CTNNA3: variants seen among roughly 807,000 people sequenced by gnomAD.
CTNNA3 encodes the protein catenin alpha-3.
In CTNNA3, 76 loss-of-function variants were observed where a neutral mutation model predicts 95.7. The ratio of observed to expected loss-of-function variants is 0.79; its 90% CI spans 0.66 to 0.96. The LOEUF is 0.96. Ranked by LOEUF, CTNNA3 falls within the 40% of genes least tolerant of loss-of-function variation. The pLI is 0.00. For synonymous variants in CTNNA3, 431 were observed against 374.4 expected (o/e 1.15, Z -1.74); for missense variants, 1,191 against 1,089.8 (o/e 1.09, Z -1.31).
At chr10:66,914,399 GT>G in intron 7 of CTNNA3, among the ~76,000 whole-genome samples, 1 of 152,024 alleles carries the variant, frequency 6.6e-6, no homozygotes, top group South Asian at 2.1e-4. Context: ...CTTTCTATCA[GT>G]TTTTAGTGAT....
At chr10:67,614,053 C>T (rs1038480751) in intron 2 of CTNNA3, among the ~76,000 whole-genome samples, 3 of 152,164 alleles carry the variant, frequency 2.0e-5, no homozygotes, top group East Asian at 1.9e-4. Context: ...AGCAAGGAAG[C>T]GGACCCTACC....
chr10:66,534,601 T>C (rs1728095645), intron 10 of CTNNA3, among the ~76,000 whole-genome samples: 2 of 149,992 alleles, frequency 1.3e-5, no homozygotes, highest in Admixed American at 6.7e-5. Context: ...ATAATGTCTT[T>C]CTTAAATTAG....
chr10:67,483,776 T>TAAAAA (rs71468814), intron 5 of CTNNA3, among the ~76,000 whole-genome samples: 2 of 110,912 alleles, frequency 1.8e-5, no homozygotes, highest in Non-Finnish European at 3.9e-5. Context: ...AAATAAAAAT[T>TAAAAA]AAAAAAAAAA....
In CTNNA3 at chr10:66,109,575, T is replaced by C. The variant is rs564537893; in HGVS notation, c.1885-6326A>G. Among the ~76,000 whole-genome samples, 16 of 152,286 alleles carry C rather than the reference T, an allele frequency of 1.1e-4. No homozygotes were observed. In the East Asian group the frequency reaches 3.1e-3, roughly 29 times the overall value. On this transcript the variant is annotated intron_variant, in intron 13 of 17. Transcript: ENST00000433211. ...TTTGGCTCACTTGGCCCAACATAGG[T>C]AGCAGGAGTAAGGGAAGGCCCAAGA...
intron 5 of CTNNA3, among the ~76,000 whole-genome samples, chr10:67,232,162 G>A (rs1213105247): frequency 2.0e-5 from 3 of 151,932 alleles, no homozygotes; most frequent in South Asian, 2.1e-4. Flanking sequence ...TACAGAGAAC[G>A]CCACAAAGAC....
intron 1 of CTNNA3, among the ~76,000 whole-genome samples, chr10:67,746,989 G>A (rs1259735091): frequency 6.6e-6 from 1 of 152,186 alleles, no homozygotes; most frequent in Non-Finnish European, 1.5e-5. Context: ...ATTCCCCACA[G>A]TACAGCACAC....
intron 5 of CTNNA3, among the ~76,000 whole-genome samples, chr10:67,448,265 G>A (rs368231438): frequency 2.0e-4 from 30 of 152,134 alleles, no homozygotes; most frequent in African/African-American, 7.0e-4. Flanking sequence ...ATGTTCCTGT[G>A]TATGAAGAGA....
chr10:66,021,852 C>CATTTTTTTTTTTTTT (rs2079218799), intron 15 of CTNNA3, among the ~76,000 whole-genome samples: 1 of 75,952 alleles, frequency 1.3e-5, no homozygotes, highest in Non-Finnish European at 2.4e-5. Flanking sequence ...AGGATCTTGG[C>CATTTTTTTTTTTTTT]TTTTTTTTTT....
chr10:67,631,188 G>C (rs1239121643), intron 2 of CTNNA3, among the ~76,000 whole-genome samples: 1 of 152,080 alleles, frequency 6.6e-6, no homozygotes, highest in African/African-American at 2.4e-5. Context: ...TTATTACAGA[G>C]GGATGCAACT....
chr10:67,226,543 A>C (rs754692317), intron 5 of CTNNA3, among the ~76,000 whole-genome samples: 3 of 152,258 alleles, frequency 2.0e-5, no homozygotes, highest in Admixed American at 6.5e-5. Flanking sequence ...AAACCCTACA[A>C]GTAAGAAGCA....
chr10:66,394,190 T>C (rs932538526), intron 11 of CTNNA3, among the ~76,000 whole-genome samples: 1 of 152,020 alleles, frequency 6.6e-6, no homozygotes, highest in Non-Finnish European at 1.5e-5. Context: ...TATGCTCTGG[T>C]AATGTTAACA....
intron 1 of CTNNA3, chr10:67,750,394 T>G: frequency 6.7e-7 from 1 of 1,491,148 alleles, no homozygotes; most frequent in Non-Finnish European, 9.4e-7. Context: ...TGGCCATTGA[T>G]GCAGGATATC....
At chr10:67,727,753 T>C (rs1841247388) in intron 1 of CTNNA3, among the ~76,000 whole-genome samples, 2 of 125,298 alleles carry the variant, frequency 1.6e-5, no homozygotes, top group South Asian at 2.3e-4. Context: ...AGCTTACTTA[T>C]ATTATATATT....
intron 11 of CTNNA3, among the ~76,000 whole-genome samples, chr10:66,517,622 A>T (rs1194748399): frequency 6.6e-6 from 1 of 152,100 alleles, no homozygotes; most frequent in Non-Finnish European, 1.5e-5. Context: ...ATCACCAAGA[A>T]ATAACCATAA....
intron 7 of CTNNA3, among the ~76,000 whole-genome samples, chr10:66,969,299 T>C: frequency 6.6e-6 from 1 of 152,134 alleles, no homozygotes; most frequent in Non-Finnish European, 1.5e-5. Flanking sequence ...TTTTATAACT[T>C]ATCATTACAT....
chr10:66,269,887 A>T (rs1279650819), intron 13 of CTNNA3, among the ~76,000 whole-genome samples: 1 of 152,152 alleles, frequency 6.6e-6, no homozygotes, highest in East Asian at 1.9e-4. Context: ...CACGGATCCG[A>T]CTTTGCAGAA....
chr10:67,361,479 C>T (rs796851221), intron 5 of CTNNA3, among the ~76,000 whole-genome samples: 10 of 152,272 alleles, frequency 6.6e-5, no homozygotes, highest in African/African-American at 2.4e-4. Context: ...CATCCCAAAA[C>T]CACACAATTA....
At chr10:66,397,632 T>G (rs2092989771) in intron 11 of CTNNA3, among the ~76,000 whole-genome samples, 1 of 151,804 alleles carries the variant, frequency 6.6e-6, no homozygotes, top group African/African-American at 2.4e-5. Context: ...AATAACTCAC[T>G]GTCTTTGCTT....
intron 9 of CTNNA3, among the ~76,000 whole-genome samples, chr10:66,634,049 TC>T (rs1247308437): frequency 6.6e-6 from 1 of 152,126 alleles, no homozygotes; most frequent in African/African-American, 2.4e-5. Context: ...AAAATGATCC[TC>T]CCCAAAATGG....
Sources: allele counts gnomAD v4.1 joint callset (sites outside exome capture counted in the v4.1 genomes callset), GRCh38; gene constraint gnomAD v4.1.1; transcripts MANE v1.5; gene names NCBI Gene and HGNC (gene_info 2026-07-23, HGNC 2026-07-21).